The following PABPC4L variants were observed in gnomAD, a reference collection of about 807,000 sequenced individuals.
PABPC4L encodes poly(A) binding protein cytoplasmic 4 like.
For synonymous variants in PABPC4L, 169 were observed against 164.1 expected (o/e 1.03, Z -0.23); for missense variants, 452 against 451.4 (o/e 1.00, Z -0.01).
chr4:134,146,459 GCTT>G, the PABPC4L span, among the ~76,000 whole-genome samples: 1 of 151,928 alleles, frequency 6.6e-6, no homozygotes, highest in Non-Finnish European at 1.5e-5. Flanking sequence ...GCACCCAGCA[GCTT>G]CTTCTCTCTT....
At chr4:134,166,113 C>A in the PABPC4L span, among the ~76,000 whole-genome samples, 940 of 152,096 alleles carry the variant, frequency 6.2e-3, 32 homozygotes, top group Non-Finnish European at 1.8e-3. Flanking sequence ...ACAACGGACA[C>A]CACAGAGGCA....
chr4:134,073,089 T>C, the PABPC4L span, among the ~76,000 whole-genome samples: 1 of 151,876 alleles, frequency 6.6e-6, no homozygotes, highest in African/African-American at 2.4e-5. Context: ...CTTCCAACAT[T>C]CCCCCAAAGT....
chr4:134,060,274 G>A, the PABPC4L span, among the ~76,000 whole-genome samples: 1 of 151,850 alleles, frequency 6.6e-6, no homozygotes, highest in Non-Finnish European at 1.5e-5. Context: ...TAGGCAATAA[G>A]GACTGAAACT....
chr4:134,016,011 C>T, the PABPC4L span, among the ~76,000 whole-genome samples: 2 of 152,124 alleles, frequency 1.3e-5, no homozygotes, highest in South Asian at 2.1e-4. Flanking sequence ...CACACCTGAC[C>T]CTCATGACTG....
At chr4:134,067,568 G>A in the PABPC4L span, among the ~76,000 whole-genome samples, 3 of 152,058 alleles carry the variant, frequency 2.0e-5, no homozygotes, top group Admixed American at 6.5e-5. Flanking sequence ...TCTTCTGCTA[G>A]CTTTGGGGTT....
the PABPC4L span, among the ~76,000 whole-genome samples, chr4:134,071,797 T>G: frequency 6.6e-6 from 1 of 152,188 alleles, no homozygotes; most frequent in Non-Finnish European, 1.5e-5. Flanking sequence ...AGAAAAATCT[T>G]GTAGAAATTC....
the PABPC4L span, among the ~76,000 whole-genome samples, chr4:134,127,596 A>T: frequency 4.5e-4 from 69 of 152,236 alleles, no homozygotes; most frequent in East Asian, 0.012. Flanking sequence ...TCCCTAGGGA[A>T]AAAGGTAGAG....
chr4:133,973,730 A>G, the PABPC4L span, among the ~76,000 whole-genome samples: 4 of 152,284 alleles, frequency 2.6e-5, no homozygotes, highest in Admixed American at 2.0e-4. Context: ...CCTAACTTAG[A>G]CTTCACTCAG....
the PABPC4L span, among the ~76,000 whole-genome samples, chr4:134,188,071 A>G: frequency 6.6e-6 from 1 of 151,672 alleles, no homozygotes; most frequent in Non-Finnish European, 1.5e-5. Context: ...CTTTCTTAGC[A>G]TATCCATTAT....
At chr4:134,139,225 G>A in the PABPC4L span, among the ~76,000 whole-genome samples, 1 of 151,918 alleles carries the variant, frequency 6.6e-6, no homozygotes, top group Non-Finnish European at 1.5e-5. Context: ...GAAGTGATAT[G>A]TATTCAATCT....
the PABPC4L span, among the ~76,000 whole-genome samples, chr4:134,069,988 G>GTTTTT: frequency 3.0e-4 from 32 of 108,276 alleles, no homozygotes; most frequent in East Asian, 1.0e-3. Flanking sequence ...CCTTTGGAGG[G>GTTTTT]TTTTTTTTTT....
the PABPC4L span, among the ~76,000 whole-genome samples, chr4:133,990,072 G>T: frequency 2.6e-5 from 4 of 151,916 alleles, no homozygotes; most frequent in East Asian, 7.8e-4. Flanking sequence ...CAACACATGG[G>T]GATCATAGGA....
the PABPC4L span, among the ~76,000 whole-genome samples, chr4:134,149,725 A>G: frequency 2.0e-5 from 3 of 152,180 alleles, no homozygotes; most frequent in African/African-American, 7.2e-5. Context: ...TCAGAAAGAA[A>G]TCCATCTAAA....
At chr4:133,967,050 C>T in the PABPC4L span, among the ~76,000 whole-genome samples, 5 of 151,776 alleles carry the variant, frequency 3.3e-5, no homozygotes, top group Admixed American at 6.6e-5. Context: ...GAAGGAAGTA[C>T]CAAGAATGAC....
the PABPC4L span, among the ~76,000 whole-genome samples, chr4:134,169,138 T>C: frequency 5.3e-4 from 80 of 152,172 alleles, no homozygotes; most frequent in African/African-American, 1.8e-3. Context: ...AATGCAAGGA[T>C]GAGTCAACAT....
chr4:134,171,011 C>T, the PABPC4L span, among the ~76,000 whole-genome samples: 2 of 152,056 alleles, frequency 1.3e-5, no homozygotes, highest in African/African-American at 4.8e-5. Context: ...TTTTTGACTT[C>T]TTAATAATAC....
the PABPC4L span, among the ~76,000 whole-genome samples, chr4:134,122,955 T>C: frequency 6.6e-6 from 1 of 152,086 alleles, no homozygotes; most frequent in East Asian, 1.9e-4. Context: ...TCAGTGCTTT[T>C]GCAATTAGGA....
At chr4:134,071,653 G>A in the PABPC4L span, among the ~76,000 whole-genome samples, 1 of 152,116 alleles carries the variant, frequency 6.6e-6, no homozygotes, top group African/African-American at 2.4e-5. Flanking sequence ...TGAAAAAGGA[G>A]ACTGTTGTTT....
downstream of PABPC4L, among the ~76,000 whole-genome samples, chr4:134,195,700 T>C (rs1729634058): frequency 6.6e-6 from 1 of 151,722 alleles, no homozygotes; most frequent in Non-Finnish European, 1.5e-5. Context: ...TTCAATTGTT[T>C]CATTCAGGGC....
Sources: allele counts gnomAD v4.1 joint callset (sites outside exome capture counted in the v4.1 genomes callset), GRCh38; gene constraint gnomAD v4.1.1; transcripts MANE v1.5; gene names NCBI Gene and HGNC (gene_info 2026-07-23, HGNC 2026-07-21).